Variants in FBRSL1 observed in about 807,000 individuals in gnomAD.
FBRSL1 encodes fibrosin like 1, also known as fibrosin-1-like protein.
Under a neutral mutation model 89.6 loss-of-function variants are expected in FBRSL1, and 51 were observed. The ratio of observed to expected loss-of-function variants is 0.57; its 90% CI spans 0.45 to 0.72. FBRSL1 has a LOEUF of 0.72. FBRSL1 is among the 30% of genes least tolerant of loss of function. The probability of loss-of-function intolerance (pLI) is 0.00; values close to 1 mark genes in which losing one functional copy is unlikely to be tolerated. For missense variants in FBRSL1, 1,618 were observed against 1,451.8 expected, an observed-to-expected ratio of 1.11 and a Z score of -1.86; for synonymous variants, 779 against 681.1, an observed-to-expected ratio of 1.14 and a Z score of -2.24.
At chr12:132,519,730 G>T (rs1430187481) in intron 2 of FBRSL1, among the ~76,000 whole-genome samples, 2 of 152,166 alleles carry the variant, frequency 1.3e-5, no homozygotes, top group Non-Finnish European at 2.9e-5. Context: ...CCAAGATGGT[G>T]AAACCCCATC....
At position 132,503,970 on chromosome 12, in the gene FBRSL1, C is replaced by T. The variant is rs185302852; in HGVS notation, c.292-4183C>T. Reference sequence around the variant, plus strand: ...GACCCCTGGGGGCTCCCTCAGCCCCCTGCCCCCATGGAGAGCAGCTTCTGA... The same window carrying T: ...GACCCCTGGGGGCTCCCTCAGCCCCTTGCCCCCATGGAGAGCAGCTTCTGA... On this transcript the variant is annotated intron_variant, in intron 1 of 18. Coordinates refer to ENST00000680143, the MANE Select transcript of FBRSL1 (RefSeq NM_001367871.1). Among the ~76,000 whole-genome samples the T allele has an allele frequency of 4.0e-3, 607 of 152,258 alleles. 2 individuals are homozygous for T. Among genetic ancestry groups the T allele is most frequent in the Non-Finnish European group, 6.8e-3 (462 of 67,994 alleles).
intron 5 of FBRSL1, among the ~76,000 whole-genome samples, chr12:132,558,826 C>T (rs1368720660): frequency 2.0e-5 from 3 of 152,254 alleles, no homozygotes; most frequent in Non-Finnish European, 4.4e-5. Context: ...CAGCTCCCAC[C>T]TCAGTCCCGA....
chr12:132,562,041 C>T (rs1035740411), intron 5 of FBRSL1, among the ~76,000 whole-genome samples: 8 of 152,214 alleles, frequency 5.3e-5, no homozygotes, highest in African/African-American at 1.9e-4. Flanking sequence ...CTGGACTCCT[C>T]CCTGCCCACC....
chr12:132,575,236 C>T (rs568230213), intron 14 of FBRSL1, among the ~76,000 whole-genome samples: 1 of 150,634 alleles, frequency 6.6e-6, no homozygotes, highest in South Asian at 2.1e-4. Context: ...GTATGTCTTT[C>T]TTTTTTTTTG....
At chr12:132,567,337 C>T (rs1414220662) in intron 5 of FBRSL1, 144 bp from the exon 6 acceptor site, 3 of 732,890 alleles carry the variant, frequency 4.1e-6, no homozygotes, top group Admixed American at 4.7e-5. Context: ...AGCGTGTTCA[C>T]CTCGTACACG....
At chr12:132,534,292 A>G (rs116324924) in intron 4 of FBRSL1, among the ~76,000 whole-genome samples, 243 of 152,346 alleles carry the variant, frequency 1.6e-3, no homozygotes, top group African/African-American at 5.7e-3. Flanking sequence ...CCCCAGGTGA[A>G]GGGAGTGTCT....
chr12:132,507,618 A>G (rs1398474874), intron 1 of FBRSL1, among the ~76,000 whole-genome samples: 2 of 152,114 alleles, frequency 1.3e-5, no homozygotes, highest in African/African-American at 4.8e-5. Flanking sequence ...ACGGGGAAGC[A>G]TCTCTGTCCC....
chr12:132,530,755 G>T (rs1436197741), intron 4 of FBRSL1, among the ~76,000 whole-genome samples: 2 of 146,836 alleles, frequency 1.4e-5, no homozygotes, highest in Non-Finnish European at 3.0e-5. Context: ...GAAGGGGGGA[G>T]GGGCTGGCCT....
intron 1 of FBRSL1, among the ~76,000 whole-genome samples, chr12:132,497,875 C>A (rs554183350): frequency 6.6e-6 from 1 of 152,192 alleles, no homozygotes; most frequent in Non-Finnish European, 1.5e-5. Context: ...GGGCTTGTGG[C>A]GTGCGATGTG....
intron 5 of FBRSL1, among the ~76,000 whole-genome samples, chr12:132,562,890 G>A (rs546941662): frequency 6.6e-6 from 1 of 152,082 alleles, no homozygotes; most frequent in African/African-American, 2.4e-5. Context: ...TCTCTGATAC[G>A]TTGATGGTTT....
chr12:132,556,995 A>G (rs545220048), intron 5 of FBRSL1, among the ~76,000 whole-genome samples: 22 of 152,240 alleles, frequency 1.4e-4, no homozygotes, highest in African/African-American at 5.3e-4. Context: ...TCGGCTAACC[A>G]TGGCCGAATG....
At chr12:132,580,823 G>A (rs1264309322) in intron 15 of FBRSL1, 1 of 985,336 alleles carries the variant, frequency 1.0e-6, no homozygotes, top group African/African-American at 1.7e-5. Context: ...CCATGTGGAG[G>A]ACGGCCCCTG....
intron 5 of FBRSL1, among the ~76,000 whole-genome samples, chr12:132,563,678 G>C (rs1040680819): frequency 5.3e-5 from 8 of 152,104 alleles, no homozygotes; most frequent in African/African-American, 1.9e-4. Context: ...TAAGTGTGTG[G>C]TTTGCTTTTT....
At chr12:132,506,105 G>T (rs748675867) in intron 1 of FBRSL1, among the ~76,000 whole-genome samples, 1 of 152,116 alleles carries the variant, frequency 6.6e-6, no homozygotes, top group African/African-American at 2.4e-5. Flanking sequence ...TGTGAGCCCT[G>T]TCTGGGGCTG....
chr12:132,582,383 C>A lies in FBRSL1; in HGVS notation c.2201+117C>A, dbSNP rs1435209307. On this transcript the variant is annotated intron_variant, in intron 18 of 18. Transcript: ENST00000680143. ...CCTCTTCTCCCCGTTTCCTCTCCCTCACCGTTCCCCCTCCCCCTGTTCCCC... is the reference window on the plus strand; with the variant it reads ...CCTCTTCTCCCCGTTTCCTCTCCCTAACCGTTCCCCCTCCCCCTGTTCCCC... The A allele has an allele frequency of 1.0e-5, 8 of 770,398 alleles. No homozygotes were observed. In the East Asian group the frequency reaches 1.9e-4, roughly 18 times the overall value. The allele number at this position is 770,398 out of a possible 1,614,324, so 47.7% of individuals were successfully genotyped here. A position where few individuals can be genotyped will look rare whatever the true frequency, so the allele number is the denominator to read the frequency against.
chr12:132,543,919 T>G (rs1352174074), intron 4 of FBRSL1, among the ~76,000 whole-genome samples: 2 of 152,210 alleles, frequency 1.3e-5, no homozygotes, highest in African/African-American at 4.8e-5. Flanking sequence ...GCTGCGGGCT[T>G]GGGGTGGGGA....
chr12:132,571,571 G>C, intron 9 of FBRSL1: 1 of 1,250,664 alleles, frequency 8.0e-7, no homozygotes, highest in African/African-American at 1.6e-5. Flanking sequence ...GGCGTGGGGC[G>C]GGGACACGCA....
At chr12:132,510,706 C>A in intron 2 of FBRSL1, 1 of 1,219,398 alleles carries the variant, frequency 8.2e-7, no homozygotes, top group Non-Finnish European at 1.0e-6. Flanking sequence ...GTCTGCCTGC[C>A]GCCCCGCCAT....
chr12:132,558,855 C>G (rs2038884708), intron 5 of FBRSL1, among the ~76,000 whole-genome samples: 1 of 152,262 alleles, frequency 6.6e-6, no homozygotes, highest in Non-Finnish European at 1.5e-5. Flanking sequence ...CCCAAGCCCT[C>G]TGTCCCTGGC....
Sources: allele counts gnomAD v4.1 joint callset (sites outside exome capture counted in the v4.1 genomes callset), GRCh38; gene constraint gnomAD v4.1.1; transcripts MANE v1.5; gene names NCBI Gene and HGNC (gene_info 2026-07-23, HGNC 2026-07-21).